CEP170: variants seen among roughly 807,000 people sequenced by gnomAD.
CEP170 encodes the protein centrosomal protein 170, also known as centrosomal protein of 170 kDa.
In CEP170, 21 loss-of-function variants were observed where a neutral mutation model predicts 151.9. That is an observed-to-expected ratio of 0.14 (90% confidence interval 0.10 to 0.20). The LOEUF (loss-of-function observed/expected upper bound fraction) is 0.20, where lower values mean the gene tolerates loss of function less well. CEP170 is among the 10% of genes least tolerant of loss of function. The pLI is 1.00. For missense variants in CEP170, 964 were observed against 1,892.9 expected, an observed-to-expected ratio of 0.51 and a Z score of 9.11; for synonymous variants, 356 against 648.8, an observed-to-expected ratio of 0.55 and a Z score of 6.86.
intron 1 of CEP170, among the ~76,000 whole-genome samples, chr1:243,250,849 T>G (rs2065873677): frequency 1.3e-5 from 2 of 152,194 alleles, no homozygotes; most frequent in South Asian, 4.1e-4. Flanking sequence ...TAAACACAAG[T>G]GTATGGCTTG....
chr1:243,247,553 C>T (rs1293777532), intron 1 of CEP170, among the ~76,000 whole-genome samples: 2 of 152,110 alleles, frequency 1.3e-5, no homozygotes, highest in African/African-American at 4.8e-5. Flanking sequence ...GGGGTTTCAC[C>T]ATGTTGGCCA....
Position 243,140,277 on chromosome 1 carries a change from G to A in CEP170, c.4060-170C>T, listed in dbSNP as rs181837147. ...CTTTCTTTTTATAAGCACTTCAAAT[G>A]TATTTCCTTTATAAAATCGAGATTC... is the stretch of plus-strand genomic sequence containing the variant. On this transcript the variant is annotated intron_variant, in intron 15 of 19. Coordinates refer to ENST00000366542, the MANE Select transcript of CEP170 (RefSeq NM_014812.3). 85 of 988,056 alleles carry A rather than the reference G, an allele frequency of 8.6e-5. No individual in the cohort carries two copies. In the East Asian group the frequency reaches 2.2e-3, roughly 26 times the overall value. 61.2% of individuals were successfully genotyped at this position (988,056 alleles called of 1,614,324 possible). A position where few individuals can be genotyped will look rare whatever the true frequency, so the allele number is the denominator to read the frequency against.
chr1:243,201,016 T>C (rs2060993748), intron 4 of CEP170, among the ~76,000 whole-genome samples, 181 bp from the exon 5 acceptor site: 1 of 152,036 alleles, frequency 6.6e-6, no homozygotes, highest in Non-Finnish European at 1.5e-5. Flanking sequence ...CATTTTAAAA[T>C]ACTAAAAATC....
In CEP170 at chr1:243,140,050, G is replaced by T; in HGVS notation, c.4117C>A (p.His1373Asn). The T allele has an allele frequency of 6.2e-7, 1 of 1,613,886 alleles. No individual in the cohort carries two copies. The highest frequency in any genetic ancestry group is 8.5e-7 in the Non-Finnish European group (1 of 1,179,832). Residue 1373 changes from histidine to asparagine, a missense_variant, in exon 16 of 20, where the codon CAT becomes AAT. Coordinates refer to ENST00000366542, the MANE Select transcript of CEP170 (RefSeq NM_014812.3). ...LNFRKIPPLV[H>N]SKTPEGNNGR... ...TTGTTTCCTTCTGGTGTTTTGGAAT[G>T]AACTAATGGAGGAATCTTTCGGAAG...
rs939977056 is a variant in CEP170 at position 243,191,304 on chromosome 1, A to G, written c.822T>C (p.Gly274=). The G allele has an allele frequency of 1.3e-5, 21 of 1,613,062 alleles. No homozygotes were observed. The highest frequency in any genetic ancestry group is 1.6e-5 in the Non-Finnish European group (19 of 1,179,600). Residue 274 remains glycine, a synonymous_variant, in exon 8 of 20, where the codon GGT becomes GGC. Coordinates refer to ENST00000366542, the MANE Select transcript of CEP170 (RefSeq NM_014812.3). The stretch of plus-strand genomic sequence containing the variant: ...CAATGGTAAATGAAGCATGCCCTGC[A>G]CCTGTTATATGGGAACTTGGCGTGT... The part of the protein sequence containing the change: ...TKDTPSSHIT[G]AGHASFTIEF...
intron 19 of CEP170, 151 bp downstream of exon 19, chr1:243,128,098 T>C (rs926142728): frequency 1.8e-6 from 1 of 556,464 alleles, no homozygotes; most frequent in Non-Finnish European, 3.0e-6. Context: ...AAATTCCTTT[T>C]TATGAATAAT....
In CEP170 at chr1:243,143,758, G is replaced by A. The variant is rs562494400; in HGVS notation, c.3912-1295C>T. ...GAAAAAAAAAAAAAAGAGCCTAGGA[G>A]GTCTGGTTATATTGCCCAGGCTGGT... On this transcript the variant is annotated intron_variant, in intron 14 of 19. Coordinates refer to ENST00000366542, the MANE Select transcript of CEP170 (RefSeq NM_014812.3). 3.6e-4 allele frequency among the ~76,000 whole-genome samples: 55 copies of A among 150,778 alleles called. 1 individual carries two copies. The highest frequency in any genetic ancestry group is 3.5e-3 in the Middle Eastern group (1 of 286).
At chr1:243,130,171 T>C (rs931496918) in intron 17 of CEP170, among the ~76,000 whole-genome samples, 1 of 152,084 alleles carries the variant, frequency 6.6e-6, no homozygotes, top group Non-Finnish European at 1.5e-5. Flanking sequence ...ATATGCAGTA[T>C]AGGAATAAGT....
At position 243,164,862 on chromosome 1, in the gene CEP170, T is replaced by A. The variant is rs2058335215; in HGVS notation, c.3098A>T (p.His1033Leu). 2.5e-6 allele frequency: 4 copies of A among 1,613,502 alleles called. No homozygotes were observed. In the East Asian group the frequency reaches 8.9e-5, roughly 36 times the overall value. Residue 1033 changes from histidine (H) to leucine (L), a missense_variant, in exon 13 of 20, where the codon CAT becomes CTT. By Grantham distance (99) the His-to-Leu change is moderately conservative (BLOSUM62 -3). Transcript: ENST00000366542. ...TDDDQTSSVP[H>L]SAISDIMSSD... ...TGACATAATATCAGAGATGGCAGAA[T>A]GAGGTACACTAGAGGTTTGGTCATC...
intron 13 of CEP170, among the ~76,000 whole-genome samples, chr1:243,159,400 T>C (rs1444301009): frequency 1.3e-5 from 2 of 152,188 alleles, no homozygotes; most frequent in East Asian, 3.8e-4. Flanking sequence ...CTAGGCCCTC[T>C]AACCTGTTAT....
intron 16 of CEP170, among the ~76,000 whole-genome samples, chr1:243,136,832 C>T (rs1471140340): frequency 2.0e-5 from 3 of 151,496 alleles, no homozygotes; most frequent in Non-Finnish European, 4.4e-5. Flanking sequence ...GACACAGGGT[C>T]TAAGTAATGT....
At chr1:243,172,970 C>G (rs1285726453) in intron 10 of CEP170, 124 bp from the exon 11 acceptor site, 1 of 1,153,922 alleles carries the variant, frequency 8.7e-7, no homozygotes. Context: ...TAGTTAATTT[C>G]AAAACTAAGG....
At chr1:243,160,471 T>C (rs2057975885) in intron 13 of CEP170, among the ~76,000 whole-genome samples, 1 of 152,212 alleles carries the variant, frequency 6.6e-6, no homozygotes, top group Non-Finnish European at 1.5e-5. Flanking sequence ...ACTAAACTAC[T>C]ATATTCACTA....
Position 243,142,751 on chromosome 1 carries a change from T to C in CEP170, c.3912-288A>G, listed in dbSNP as rs1158743338. ...ACACTGTGTTAATGACTAGCATTAA[T>C]ACATCACAGGGGTCTTAAACTTGGG... is the stretch of plus-strand genomic sequence containing the variant. On this transcript the variant is annotated intron_variant, in intron 14 of 19. Transcript: ENST00000366542. Among the ~76,000 whole-genome samples the C allele has an allele frequency of 5.9e-5, 9 of 152,208 alleles. No individual in the cohort carries two copies. In the East Asian group the frequency reaches 1.7e-3, roughly 29 times the overall value.
intron 4 of CEP170, among the ~76,000 whole-genome samples, chr1:243,208,459 T>C (rs61833879): frequency 0.099 from 14,993 of 152,178 alleles, 972 homozygotes; most frequent in Non-Finnish European, 0.13. Flanking sequence ...AACTGATATA[T>C]TCTGACTCCT....
chr1:243,160,069 A>G (rs1347407558), intron 13 of CEP170, among the ~76,000 whole-genome samples: 1 of 152,126 alleles, frequency 6.6e-6, no homozygotes, highest in Non-Finnish European at 1.5e-5. Flanking sequence ...GATTATAGTC[A>G]TGAGACGCTG....
At chr1:243,155,925 C>T (rs902450074) in intron 14 of CEP170, among the ~76,000 whole-genome samples, 1 of 151,826 alleles carries the variant, frequency 6.6e-6, no homozygotes, top group Non-Finnish European at 1.5e-5. Flanking sequence ...TACTGCCTAC[C>T]TTTCAAAGTT....
intron 8 of CEP170, among the ~76,000 whole-genome samples, chr1:243,188,853 T>C (rs1337789109): frequency 6.6e-6 from 1 of 152,272 alleles, no homozygotes; most frequent in Non-Finnish European, 1.5e-5. Flanking sequence ...CTATATACTT[T>C]TTATATCCTA....
rs373480341 is a variant in CEP170, at chr1:243,245,082, C to G, written c.-42+9958G>C. 7.2e-5 allele frequency among the ~76,000 whole-genome samples: 11 copies of G among 152,178 alleles called. No individual in the cohort carries two copies. The East Asian group carries it at 2.1e-3, about 29-fold the overall frequency. ...TATAAGTGAGGGAAGCAGGGTGATA[C>G]AACAGAAGTATGGTGATCCTAGAAT... On this transcript the variant is annotated intron_variant, in intron 1 of 19. Coordinates refer to ENST00000366542, the MANE Select transcript of CEP170 (RefSeq NM_014812.3).
Sources: gnomAD v4.1 joint callset for allele counts (sites outside exome capture counted in the v4.1 genomes callset) on GRCh38, gnomAD v4.1.1 for gene constraint, MANE v1.5 for transcripts, NCBI Gene and HGNC (gene_info 2026-07-23, HGNC 2026-07-21) for gene names.